Variants in RPH3A observed in about 807,000 individuals in gnomAD.
The protein encoded by RPH3A is rabphilin-3A.
In RPH3A, 48 loss-of-function variants were observed where a neutral mutation model predicts 102.2. That is an observed-to-expected ratio of 0.47 (90% CI 0.37 to 0.60). The LOEUF is 0.60. RPH3A is among the 20% of genes least tolerant of loss of function. The probability of loss-of-function intolerance (pLI) is 0.00; values close to 1 mark genes in which losing one functional copy is unlikely to be tolerated. For missense variants in RPH3A, 781 were observed against 910.1 expected, an observed-to-expected ratio of 0.86 and a Z score of 1.83; for synonymous variants, 310 against 324.3, an observed-to-expected ratio of 0.96 and a Z score of 0.47.
At chr12:112,830,503 T>C (rs1383448987) in intron 3 of RPH3A, among the ~76,000 whole-genome samples, 1 of 152,204 alleles carries the variant, frequency 6.6e-6, no homozygotes, top group Non-Finnish European at 1.5e-5. Context: ...CTATAATTAT[T>C]GTTTGTAAGG....
At position 112,770,640 on chromosome 12, in the gene RPH3A, C is replaced by T. The variant is rs192249025; in HGVS notation, c.-139-21503C>T. 9.9e-5 allele frequency among the ~76,000 whole-genome samples: 15 copies of T among 152,244 alleles called. No individual in the cohort carries two copies. The East Asian group carries it at 1.7e-3, about 18-fold the overall frequency. On this transcript the variant is annotated intron_variant, in intron 1 of 21. Coordinates refer to the RPH3A transcript ENST00000543106. Reference sequence around the variant, plus strand: ...GTTGCTAGGCTCATGCCTGGCAATTCTGTCATTCTTAAAGTAGAGGACTTA... The same window carrying T: ...GTTGCTAGGCTCATGCCTGGCAATTTTGTCATTCTTAAAGTAGAGGACTTA...
At chr12:112,724,571 A>G (rs2040574084) in intron 1 of RPH3A, among the ~76,000 whole-genome samples, 1 of 152,240 alleles carries the variant, frequency 6.6e-6, no homozygotes. Context: ...GCGATATCAA[A>G]TGCTTATTTA....
chr12:112,767,134 C>T (rs556776204), intron 1 of RPH3A, among the ~76,000 whole-genome samples: 1 of 152,308 alleles, frequency 6.6e-6, no homozygotes, highest in African/African-American at 2.4e-5. Context: ...CCCACAGCTT[C>T]CTCTTTGATA....
At chr12:112,712,900 CTTCCTCTTCTTCTTCTTCTTCTTCCTCT>C (rs1565856699) in intron 1 of RPH3A, among the ~76,000 whole-genome samples, 9 of 132,830 alleles carry the variant, frequency 6.8e-5, no homozygotes, top group African/African-American at 2.8e-4. Context: ...TCTTCTTCTT[CTTCCTCTTCTTCTTCTTCTTCTTCCTCT>C]TCTTCTTCTT....
chr12:112,889,797 G>A (rs2043061223), intron 17 of RPH3A, among the ~76,000 whole-genome samples: 1 of 152,190 alleles, frequency 6.6e-6, no homozygotes, highest in African/African-American at 2.4e-5. Flanking sequence ...AATTGGAATT[G>A]TAACAGAACC....
At chr12:112,841,922 G>A (rs550336456) in intron 4 of RPH3A, 1 of 455,828 alleles carries the variant, frequency 2.2e-6, no homozygotes, top group East Asian at 7.0e-5. Context: ...CTGTCTCTCT[G>A]TCTCTCTCTC....
In RPH3A at chr12:112,882,402, C is replaced by T. The variant is rs79952713; in HGVS notation, c.1326+556C>T. Among the ~76,000 whole-genome samples the T allele has an allele frequency of 2.7e-4, 41 of 152,300 alleles. 1 individual carries two copies. The East Asian group carries it at 6.4e-3, about 24-fold the overall frequency. ...TATATGGCTGGAAATGGAAGTGTGC[C>T]TGCCTGGTTTTTGTTTTGTGCTTTG... On this transcript the variant is annotated intron_variant, in intron 15 of 21. Transcript: ENST00000389385.
intron 5 of RPH3A, among the ~76,000 whole-genome samples, chr12:112,848,080 G>T (rs886095952): frequency 2.6e-5 from 4 of 152,184 alleles, no homozygotes; most frequent in African/African-American, 9.7e-5. Flanking sequence ...AGATTGGGCT[G>T]CGAGTGAGGA....
intron 2 of RPH3A, among the ~76,000 whole-genome samples, chr12:112,809,328 C>T (rs747675599): frequency 6.6e-6 from 1 of 152,082 alleles, no homozygotes; most frequent in Non-Finnish European, 1.5e-5. Flanking sequence ...GCCTGTTCTG[C>T]CTCTTCTCAT....
At chr12:112,838,598 A>G (rs2042093221) in intron 4 of RPH3A, among the ~76,000 whole-genome samples, 1 of 152,220 alleles carries the variant, frequency 6.6e-6, no homozygotes, top group African/African-American at 2.4e-5. Flanking sequence ...AGAAAAGAAA[A>G]AGGATTAATT....
intron 1 of RPH3A, among the ~76,000 whole-genome samples, chr12:112,702,443 TTTGA>T (rs1305872170): frequency 2.0e-5 from 3 of 152,140 alleles, no homozygotes; most frequent in Non-Finnish European, 2.9e-5. Flanking sequence ...GATGGTCTGG[TTTGA>T]TTATCACTAG....
At chr12:112,775,449 A>T (rs2040959860) in intron 1 of RPH3A, among the ~76,000 whole-genome samples, 1 of 152,188 alleles carries the variant, frequency 6.6e-6, no homozygotes, top group Non-Finnish European at 1.5e-5. Context: ...ACAGTGCTAG[A>T]TGTGTATGTC....
upstream of RPH3A, among the ~76,000 whole-genome samples, chr12:112,790,889 T>C (rs1014361238): frequency 3.9e-5 from 6 of 152,198 alleles, no homozygotes; most frequent in African/African-American, 1.4e-4. Context: ...CAAACATTTG[T>C]GTTTTAGGAC....
chr12:112,753,085 C>T (rs370969752), intron 1 of RPH3A, among the ~76,000 whole-genome samples: 42 of 151,024 alleles, frequency 2.8e-4, no homozygotes, highest in African/African-American at 9.7e-4. Flanking sequence ...TGTCTAAGCA[C>T]GATCGATTCA....
intron 1 of RPH3A, among the ~76,000 whole-genome samples, chr12:112,606,982 CTG>C (rs1305150471): frequency 2.6e-5 from 4 of 152,138 alleles, no homozygotes; most frequent in Non-Finnish European, 5.9e-5. Context: ...CTTTTCGTAT[CTG>C]TAAAATGGGG....
chr12:112,850,380 A>G (rs1481858133), intron 5 of RPH3A, among the ~76,000 whole-genome samples: 1 of 152,008 alleles, frequency 6.6e-6, no homozygotes, highest in African/African-American at 2.4e-5. Flanking sequence ...CCTTTGTTCT[A>G]GAAGTCTGCC....
At chr12:112,690,485 G>C (rs1381668231) in intron 1 of RPH3A, among the ~76,000 whole-genome samples, 1 of 152,194 alleles carries the variant, frequency 6.6e-6, no homozygotes, top group Non-Finnish European at 1.5e-5. Context: ...TTATTACCAA[G>C]ATGTATTAAG....
In RPH3A at chr12:112,881,864, C is replaced by T. The variant is rs375527839; in HGVS notation, c.1326+18C>T. The T allele has an allele frequency of 7.5e-6, 12 of 1,602,900 alleles. No homozygotes were observed. The African/African-American group carries it at 1.2e-4, about 16-fold the overall frequency. Reference sequence around the variant, plus strand: ...CCAGCAAGGTACCATATGGCCTGGGCTTCTCTGCAAACCGGGTGCATGGGC... The same window carrying T: ...CCAGCAAGGTACCATATGGCCTGGGTTTCTCTGCAAACCGGGTGCATGGGC... On this transcript the variant is annotated intron_variant, in intron 15 of 21. Coordinates refer to ENST00000389385, the MANE Select transcript of RPH3A (RefSeq NM_001143854.2).
chr12:112,617,245 C>A (rs1046327637), intron 1 of RPH3A, among the ~76,000 whole-genome samples: 1 of 152,180 alleles, frequency 6.6e-6, no homozygotes, highest in Non-Finnish European at 1.5e-5. Flanking sequence ...GGCGAGTGAG[C>A]ATTCCTGCTG....
Sources: gnomAD v4.1 joint callset for allele counts (sites outside exome capture counted in the v4.1 genomes callset) on GRCh38, gnomAD v4.1.1 for gene constraint, MANE v1.5 for transcripts, NCBI Gene and HGNC (gene_info 2026-07-23, HGNC 2026-07-21) for gene names.